CLCC1: variants seen among roughly 807,000 people sequenced by gnomAD.
The protein encoded by CLCC1 is chloride channel CLIC-like protein 1.
A neutral mutation model predicts 63.3 loss-of-function variants in CLCC1; 39 were observed. The ratio of observed to expected loss-of-function variants is 0.62; its 90% CI spans 0.48 to 0.81. CLCC1 has a LOEUF of 0.81. Among genes scored for constraint, CLCC1 ranks in the 30% least tolerant of loss-of-function variants. The pLI is 0.00. For synonymous variants in CLCC1, 217 were observed against 239.8 expected (o/e 0.90, Z 0.88); for missense variants, 549 against 669.4 (o/e 0.82, Z 1.98).
At chr1:108,961,816 G>C (rs1051469755) in intron 2 of CLCC1, among the ~76,000 whole-genome samples, 1 of 151,768 alleles carries the variant, frequency 6.6e-6, no homozygotes, top group African/African-American at 2.4e-5. Flanking sequence ...CCGAGATCGC[G>C]CCATTGCACT....
chr1:108,941,896 C>T (rs558790895), intron 7 of CLCC1, among the ~76,000 whole-genome samples: 47 of 152,130 alleles, frequency 3.1e-4, no homozygotes, highest in Admixed American at 1.0e-3. Flanking sequence ...TCAAGTGATC[C>T]GCCCGCCTCA....
Position 108,939,460 on chromosome 1 carries a change from C to T in CLCC1, c.1041+176G>A, listed in dbSNP as rs1653520681. ...TAGCTGGGACTACAGGCGCCCGCCA[C>T]CACGCCCGGCTAATTTTTTGTATTT... On this transcript the variant is annotated intron_variant, in intron 10 of 12. Coordinates refer to ENST00000369969, the MANE Select transcript of CLCC1 (RefSeq NM_001377458.1). Among the ~76,000 whole-genome samples the T allele has an allele frequency of 4.0e-5, 6 of 151,516 alleles. No homozygotes were observed. In the South Asian group the frequency reaches 6.3e-4, roughly 16 times the overall value.
At position 108,949,856 on chromosome 1, in the gene CLCC1, T is replaced by C. The variant is rs34281840; in HGVS notation, c.195A>G (p.Ser65=). 1,791 of 1,594,414 alleles carry C rather than the reference T, an allele frequency of 1.1e-3. 18 individuals carry two copies. The African/African-American group carries it at 0.02, about 17-fold the overall frequency. ...SPDLSCADEI[S]ECYHKLDSLT... The stretch of plus-strand genomic sequence containing the variant: ...AAGAATCAAGTTTGTGATAACATTC[T>C]GATATTTCATCAGCACATGACAAGT... Residue 65 remains serine, a synonymous_variant, in exon 4 of 13, where the codon TCA becomes TCG. Coordinates refer to ENST00000369969, the MANE Select transcript of CLCC1 (RefSeq NM_001377458.1).
intron 2 of CLCC1, among the ~76,000 whole-genome samples, chr1:108,959,286 A>G (rs562252533): frequency 6.6e-6 from 1 of 152,232 alleles, no homozygotes; most frequent in African/African-American, 2.4e-5. Context: ...CCTGGGAGAC[A>G]GAGGTTGCAG....
At position 108,934,649 on chromosome 1, in the gene CLCC1, G is replaced by T. The variant is rs1180153967; in HGVS notation, c.*21C>A. 6.2e-7 allele frequency: 1 copy of T among 1,605,042 alleles called. No individual in the cohort carries two copies. The highest frequency in any genetic ancestry group is 8.5e-7 in the Non-Finnish European group (1 of 1,174,908). On this transcript the variant is annotated 3_prime_UTR_variant, in exon 12 of 13. Coordinates refer to ENST00000369969, the MANE Select transcript of CLCC1 (RefSeq NM_001377458.1). ...CAAAGCTCGAAGGAGACTTGAGGCT[G>T]TCGTTTGTGCTGGTGTTCCTCTAGC... is the stretch of plus-strand genomic sequence containing the variant.
intron 1 of CLCC1, 131 bp downstream of exon 1, chr1:108,963,230 A>G (rs1656901889): frequency 1.7e-6 from 1 of 586,156 alleles, no homozygotes; most frequent in South Asian, 1.9e-5. Context: ...CGCAGCTAGC[A>G]CGGTCCCCGC....
At chr1:108,943,451 TA>T (rs761737606) in intron 7 of CLCC1, 23 bp downstream of exon 7, 9 of 1,602,192 alleles carry the variant, frequency 5.6e-6, no homozygotes, top group Non-Finnish European at 7.7e-6. Flanking sequence ...GTTAAAATTG[TA>T]AAACCCTCCA....
chr1:108,943,100 G>A (rs1201067667), intron 7 of CLCC1, among the ~76,000 whole-genome samples: 2 of 152,102 alleles, frequency 1.3e-5, no homozygotes, highest in Non-Finnish European at 2.9e-5. Flanking sequence ...AGTAGAGACA[G>A]GGTTTCACCA....
Position 108,929,522 on chromosome 1 carries a change from A to G in CLCC1, c.*3025T>C. The G allele has an allele frequency of 1.6e-6, 1 of 642,198 alleles. No individual in the cohort carries two copies. The highest frequency in any genetic ancestry group is 2.7e-5 in the East Asian group (1 of 36,428). The allele number at this position is 642,198 out of a possible 1,614,324, so 39.8% of individuals were successfully genotyped here. On this transcript the variant is annotated 3_prime_UTR_variant, in exon 13 of 13. Coordinates refer to ENST00000369969, the MANE Select transcript of CLCC1 (RefSeq NM_001377458.1). ...TTATGCAGTTTCAGGTTTAAAGATT[A>G]TTTCTTTCAGAAATCAGGCTGGGAA...
At chr1:108,946,167 G>A (rs1335024080) in intron 5 of CLCC1, among the ~76,000 whole-genome samples, 9 of 152,084 alleles carry the variant, frequency 5.9e-5, no homozygotes, top group South Asian at 2.1e-4. Flanking sequence ...AAAATTAGCC[G>A]GGCATGGTGG....
rs755516384 is a variant in CLCC1, at chr1:108,943,606, A to G, written c.571T>C (p.Cys191Arg). Residue 191 changes from cysteine to arginine, a missense_variant, in exon 7 of 13, where the codon TGT (cysteine) becomes CGT (arginine). Transcript: ENST00000369969. ...DPYNVLMVLL[C>R]LLCIVVLVAT... is the part of the protein sequence containing the mutation. ...ACTAAAACCACGATGCAGAGCAGAC[A>G]AAGAAGTACCTTAAAACAGAGAGAA... 6.3e-7 allele frequency: 1 copy of G among 1,577,620 alleles called. No homozygotes were observed. Among genetic ancestry groups the G allele is most frequent in the Non-Finnish European group, 8.6e-7 (1 of 1,166,670 alleles).
Position 108,929,892 on chromosome 1 carries a change from T to G in CLCC1, c.*2655A>C. On this transcript the variant is annotated 3_prime_UTR_variant, in exon 13 of 13. Coordinates refer to ENST00000369969, the MANE Select transcript of CLCC1 (RefSeq NM_001377458.1). Reference sequence around the variant, plus strand: ...GGCTAAAGGACTTTTTGCAAAATAATGCTTTGTTGGAGTTTAAAAATTCAG... The same window carrying G: ...GGCTAAAGGACTTTTTGCAAAATAAGGCTTTGTTGGAGTTTAAAAATTCAG... 6.2e-7 allele frequency: 1 copy of G among 1,613,782 alleles called. No homozygotes were observed. Among genetic ancestry groups the G allele is most frequent in the South Asian group, 1.1e-5 (1 of 91,072 alleles).
At chr1:108,948,017 A>T (rs1255911575) in intron 4 of CLCC1, among the ~76,000 whole-genome samples, 2 of 152,222 alleles carry the variant, frequency 1.3e-5, no homozygotes, top group African/African-American at 4.8e-5. Flanking sequence ...CCACAAGCAG[A>T]GCATCTGGAC....
At chr1:108,959,716 A>C (rs1557901181) in intron 2 of CLCC1, among the ~76,000 whole-genome samples, 1 of 152,170 alleles carries the variant, frequency 6.6e-6, no homozygotes, top group Non-Finnish European at 1.5e-5. Context: ...CCAAGGGTAA[A>C]GGGGGGACTC....
At chr1:108,933,922 T>C (rs1652427279) in intron 12 of CLCC1, 2 of 152,234 alleles carry the variant, frequency 1.3e-5, no homozygotes, top group Admixed American at 1.3e-4. Context: ...TCTCCACTGC[T>C]AGGATTCTGA....
chr1:108,938,155 A>G (rs1288886883), intron 10 of CLCC1, among the ~76,000 whole-genome samples: 1 of 152,208 alleles, frequency 6.6e-6, no homozygotes. Flanking sequence ...AGTATCAATA[A>G]ATATAATCAC....
rs1423514287 is a variant in CLCC1, at chr1:108,939,622, A to G, written c.1041+14T>C. On this transcript the variant is annotated intron_variant, in intron 10 of 12. Transcript: ENST00000369969. ...CCGCGCCTGGCCCGACAGTGCTAAT[A>G]TATTAATACTAACCAGGATGGCTAA... is the stretch of plus-strand genomic sequence containing the variant. 2 of 1,613,180 alleles carry G rather than the reference A, an allele frequency of 1.2e-6. No homozygotes were observed. Among genetic ancestry groups the G allele is most frequent in the Non-Finnish European group, 1.7e-6 (2 of 1,179,596 alleles).
At chr1:108,934,971 G>T (rs780954357) in intron 11 of CLCC1, 29 bp from the exon 12 acceptor site, 3 of 1,556,544 alleles carry the variant, frequency 1.9e-6, no homozygotes, top group Non-Finnish European at 1.7e-6. Context: ...CATTTTAACT[G>T]TTTAATGTAA....
chr1:108,947,103 G>A (rs997312935), intron 5 of CLCC1, among the ~76,000 whole-genome samples: 1 of 152,080 alleles, frequency 6.6e-6, no homozygotes, highest in African/African-American at 2.4e-5. Flanking sequence ...GGCAGAGGTT[G>A]TAGTGAGCCA....
Sources: gnomAD v4.1 joint callset for allele counts (sites outside exome capture counted in the v4.1 genomes callset) on GRCh38, gnomAD v4.1.1 for gene constraint, MANE v1.5 for transcripts, NCBI Gene and HGNC (gene_info 2026-07-23, HGNC 2026-07-21) for gene names.